The following TTC6 variants were observed in gnomAD, a reference collection of about 807,000 sequenced individuals.
The protein encoded by TTC6 is tetratricopeptide repeat protein 6.
Under a neutral mutation model 210.4 loss-of-function variants are expected in TTC6, and 172 were observed. That is an observed-to-expected ratio of 0.82 (90% confidence interval 0.72 to 0.93). The LOEUF (loss-of-function observed/expected upper bound fraction) is 0.93. Among genes scored for constraint, TTC6 ranks in the 40% least tolerant of loss-of-function variants. The pLI, the probability that TTC6 is intolerant of heterozygous loss-of-function variation, is 0.00. For missense variants in TTC6, 2,414 were observed against 2,318.1 expected, an observed-to-expected ratio of 1.04 and a Z score of -0.85; for synonymous variants, 804 against 819.6, an observed-to-expected ratio of 0.98 and a Z score of 0.32.
At chr14:37,793,361 CAAAA>C (rs2096084907) in intron 17 of TTC6, among the ~76,000 whole-genome samples, 1 of 152,112 alleles carries the variant, frequency 6.6e-6, no homozygotes, top group East Asian at 1.9e-4. Context: ...AACAAAAAAA[CAAAA>C]AACCCAAAAA....
At chr14:37,825,078 T>G (rs2096167609) in intron 27 of TTC6, among the ~76,000 whole-genome samples, 1 of 151,998 alleles carries the variant, frequency 6.6e-6, no homozygotes. Context: ...AAAAGGAGAG[T>G]TAGGCCCATC....
chr14:37,752,232 A>G (rs2139041886), intron 13 of TTC6, among the ~76,000 whole-genome samples: 1 of 152,154 alleles, frequency 6.6e-6, no homozygotes, highest in Admixed American at 6.5e-5. Flanking sequence ...GTTATTCCTT[A>G]CTGCAATTAA....
At chr14:37,704,165 T>C (rs572974705) in intron 5 of TTC6, among the ~76,000 whole-genome samples, 3 of 152,134 alleles carry the variant, frequency 2.0e-5, no homozygotes, top group Admixed American at 2.0e-4. Flanking sequence ...TAGCTTACTG[T>C]AACCTTGAAC....
At chr14:37,836,842 T>C (rs2096199048) in intron 29 of TTC6, among the ~76,000 whole-genome samples, 1 of 152,132 alleles carries the variant, frequency 6.6e-6, no homozygotes, top group Non-Finnish European at 1.5e-5. Flanking sequence ...TCTAATAAAC[T>C]CTAGAGGGTT....
intron 20 of TTC6, 149 bp downstream of exon 22, chr14:37,797,096 G>T (rs2139368541): frequency 2.7e-6 from 2 of 734,086 alleles, no homozygotes; most frequent in Non-Finnish European, 1.9e-6. Context: ...TCTCTTTTTT[G>T]TGCCCCCTCT....
At chr14:37,621,361 A>G (rs1022251895), upstream of TTC6, among the ~76,000 whole-genome samples, 8 of 152,330 alleles carry the variant, frequency 5.3e-5, no homozygotes, top group East Asian at 1.5e-3. Context: ...TGTAATTCCA[A>G]CACTTTGGAA....
chr14:37,741,152 A>G (rs1191895643), intron 10 of TTC6, among the ~76,000 whole-genome samples: 1 of 152,184 alleles, frequency 6.6e-6, no homozygotes, highest in Non-Finnish European at 1.5e-5. Flanking sequence ...TACCTTTTTA[A>G]AAAAATCTTA....
intron 1 of TTC6, among the ~76,000 whole-genome samples, chr14:37,603,712 C>T (rs536337516): frequency 6.6e-5 from 10 of 152,338 alleles, no homozygotes; most frequent in African/African-American, 2.4e-4. Flanking sequence ...ACACTCCTCT[C>T]CCTAGGGCTG....
chr14:37,767,511 A>G (rs1400824817), intron 14 of TTC6, among the ~76,000 whole-genome samples: 1 of 152,198 alleles, frequency 6.6e-6, no homozygotes, highest in East Asian at 1.9e-4. Flanking sequence ...GTGAGATGGT[A>G]TCTCATTGTG....
chr14:37,612,224 CCTG>C (rs769392802), intron 2 of TTC6, among the ~76,000 whole-genome samples: 1 of 152,116 alleles, frequency 6.6e-6, no homozygotes, highest in Non-Finnish European at 1.5e-5. Context: ...GCTCTTCATC[CCTG>C]CTTTTAGCCC....
intron 1 of TTC6, among the ~76,000 whole-genome samples, chr14:37,662,459 G>C (rs2095739401): frequency 6.6e-6 from 1 of 152,118 alleles, no homozygotes; most frequent in African/African-American, 2.4e-5. Context: ...TACGTTTATT[G>C]ATTTGCGTAT....
At chr14:37,613,739 G>T (rs1264552684) in intron 2 of TTC6, among the ~76,000 whole-genome samples, 3 of 151,652 alleles carry the variant, frequency 2.0e-5, no homozygotes, top group African/African-American at 7.3e-5. Flanking sequence ...TAAATTGTTA[G>T]ATGTTGTTGG....
At chr14:37,779,123 C>T (rs1469945407) in intron 14 of TTC6, among the ~76,000 whole-genome samples, 1 of 152,184 alleles carries the variant, frequency 6.6e-6, no homozygotes, top group African/African-American at 2.4e-5. Flanking sequence ...GAGCAGGTTG[C>T]TGCTTTCCTG....
intron 15 of TTC6, among the ~76,000 whole-genome samples, chr14:37,790,424 A>G (rs2096076784): frequency 6.6e-6 from 1 of 152,098 alleles, no homozygotes; most frequent in Admixed American, 6.6e-5. Context: ...CCCCCTTTGG[A>G]CTTTAATCTC....
intron 18 of TTC6, 40 bp from the exon 21 acceptor site, chr14:37,796,254 T>C: frequency 1.1e-6 from 1 of 910,722 alleles, no homozygotes; most frequent in South Asian, 1.6e-5. Flanking sequence ...AGAAAGTTAA[T>C]TTTTAGCTGC....
At chr14:37,699,649 G>A (rs867905580) in intron 4 of TTC6, among the ~76,000 whole-genome samples, 9 of 152,184 alleles carry the variant, frequency 5.9e-5, no homozygotes, top group Non-Finnish European at 1.0e-4. Flanking sequence ...GACTGCCTGC[G>A]CAGGCTGAGG....
At chr14:37,732,742 C>A (rs964330748) in intron 7 of TTC6, among the ~76,000 whole-genome samples, 1 of 151,728 alleles carries the variant, frequency 6.6e-6, no homozygotes, top group Non-Finnish European at 1.5e-5. Context: ...CTCAGCCTCC[C>A]GAGTAGCTGG....
chr14:37,719,133 A>G (rs540685676), intron 6 of TTC6, among the ~76,000 whole-genome samples: 1 of 152,204 alleles, frequency 6.6e-6, no homozygotes, highest in Non-Finnish European at 1.5e-5. Context: ...GAAATAATCA[A>G]GTGTAAATCT....
At chr14:37,747,344 A>T (rs1024780667) in intron 10 of TTC6, among the ~76,000 whole-genome samples, 1 of 152,168 alleles carries the variant, frequency 6.6e-6, no homozygotes, top group African/African-American at 2.4e-5. Context: ...TAATATTTGG[A>T]GGTTATGATA....
Sources: allele counts gnomAD v4.1 joint callset (sites outside exome capture counted in the v4.1 genomes callset), GRCh38; gene constraint gnomAD v4.1.1; transcripts MANE v1.5; gene names NCBI Gene and HGNC (gene_info 2026-07-23, HGNC 2026-07-21).